Variants in MYO1D observed in about 807,000 individuals in gnomAD.
MYO1D encodes the protein myosin ID, also known as unconventional myosin-Id.
In MYO1D, 83 loss-of-function variants were observed where a neutral mutation model predicts 122.0. The observed-to-expected ratio is 0.68, with a 90% CI of 0.57 to 0.82. The LOEUF (loss-of-function observed/expected upper bound fraction) is 0.82, where lower values mean the gene tolerates loss of function less well. Ranked by LOEUF, MYO1D falls within the 40% of genes least tolerant of loss-of-function variation. MYO1D has a pLI of 0.00. For synonymous variants in MYO1D, 464 were observed against 446.9 expected (o/e 1.04, Z -0.48); for missense variants, 1,157 against 1,269.5 (o/e 0.91, Z 1.35).
At chr17:32,645,244 A>C (rs1044243449) in intron 19 of MYO1D, among the ~76,000 whole-genome samples, 1 of 152,048 alleles carries the variant, frequency 6.6e-6, no homozygotes, top group South Asian at 2.1e-4. Context: ...ATTGGCCCCC[A>C]CTCTCTTCTG....
chr17:32,507,190 C>T (rs1909529757), intron 21 of MYO1D, among the ~76,000 whole-genome samples: 1 of 151,800 alleles, frequency 6.6e-6, no homozygotes, highest in South Asian at 2.1e-4. Context: ...TGCTTGAGCC[C>T]AGAAGTTCAA....
intron 20 of MYO1D, among the ~76,000 whole-genome samples, chr17:32,613,679 C>A (rs2087733127): frequency 6.8e-6 from 1 of 147,334 alleles, no homozygotes; most frequent in African/African-American, 2.5e-5. Flanking sequence ...GGGGCTGAGG[C>A]AGGAGAATCG....
intron 13 of MYO1D, among the ~76,000 whole-genome samples, chr17:32,739,493 T>G (rs1456818501): frequency 7.3e-5 from 6 of 81,976 alleles, no homozygotes; most frequent in South Asian, 4.9e-4. Flanking sequence ...AGGCCTGTCA[T>G]GGGGTGGGGG....
At chr17:32,568,224 A>G (rs2087190937) in intron 21 of MYO1D, among the ~76,000 whole-genome samples, 2 of 150,646 alleles carry the variant, frequency 1.3e-5, no homozygotes, top group East Asian at 3.9e-4. Flanking sequence ...GGCAGCTAGC[A>G]TTATTTCTGA....
chr17:32,544,101 C>CT (rs542735823), intron 21 of MYO1D, among the ~76,000 whole-genome samples: 14,211 of 140,736 alleles, frequency 0.1, 1,870 homozygotes, highest in African/African-American at 0.31. Context: ...CCAAATCTTG[C>CT]TTTTTTTTTT....
rs2090108734 is a variant in MYO1D at position 32,771,132 on chromosome 17, T to G, written c.707A>C (p.Gln236Pro). 1 of 1,599,172 alleles carries G rather than the reference T, an allele frequency of 6.3e-7. No individual in the cohort carries two copies. Among genetic ancestry groups the G allele is most frequent in the Non-Finnish European group, 8.6e-7 (1 of 1,166,952 alleles). ...SSYNYIHVGA[Q>P]LKSSINDAAE... ...CAAAGAGGAAATTCTCACCTTTAAT[T>G]GAGCTCCCACATGAATATAGTTGTA... The change falls in exon 6 of 22, where the codon CAA becomes CCA. Residue 236 changes from glutamine (Q) to proline (P), a missense_variant. By Grantham distance (76) the Gln-to-Pro change is moderately conservative. Transcript: ENST00000318217.
chr17:32,774,190 T>A (rs1007478250), intron 4 of MYO1D, among the ~76,000 whole-genome samples: 2 of 152,208 alleles, frequency 1.3e-5, no homozygotes, highest in Non-Finnish European at 2.9e-5. Context: ...GCTAAAGGCA[T>A]AGTCAAGGTT....
At chr17:32,577,331 T>C (rs963526208) in intron 21 of MYO1D, among the ~76,000 whole-genome samples, 28 of 152,068 alleles carry the variant, frequency 1.8e-4, no homozygotes, top group African/African-American at 6.5e-4. Context: ...TGGGTCTTGC[T>C]ACATTGCCAG....
intron 1 of MYO1D, among the ~76,000 whole-genome samples, chr17:32,803,149 T>C (rs2090474784): frequency 6.6e-6 from 1 of 151,424 alleles, no homozygotes; most frequent in Non-Finnish European, 1.5e-5. Flanking sequence ...CTTCCAATTT[T>C]TCTTTCTTTT....
chr17:32,801,619 C>A (rs1048825516), intron 1 of MYO1D, among the ~76,000 whole-genome samples: 2 of 152,162 alleles, frequency 1.3e-5, no homozygotes, highest in Non-Finnish European at 2.9e-5. Context: ...TTAAAATAAA[C>A]CCCATGGTGT....
intron 21 of MYO1D, among the ~76,000 whole-genome samples, chr17:32,570,837 C>G (rs1306955478): frequency 6.6e-6 from 1 of 152,142 alleles, no homozygotes; most frequent in Non-Finnish European, 1.5e-5. Context: ...AAACTTAACA[C>G]AACATTCATG....
At chr17:32,744,113 C>T (rs1034705961) in intron 13 of MYO1D, among the ~76,000 whole-genome samples, 13 of 152,108 alleles carry the variant, frequency 8.5e-5, no homozygotes, top group East Asian at 1.9e-4. Context: ...CAGGCTCTAC[C>T]TACCTTTCTA....
chr17:32,744,275 T>A (rs557418432), intron 13 of MYO1D, among the ~76,000 whole-genome samples: 2 of 152,298 alleles, frequency 1.3e-5, no homozygotes, highest in African/African-American at 4.8e-5. Flanking sequence ...TTCACTTAAT[T>A]CAGGTCTCTG....
In MYO1D at chr17:32,582,938, G is replaced by GA. The variant is rs549902560; in HGVS notation, c.2864+22148dup. ...TTTTTAAAAAGATTTAATCAACAAG[G>GA]AAAAAATCTTAAAAATTTGCTTGTG... is the stretch of plus-strand genomic sequence containing the variant. On this transcript the variant is annotated intron_variant, in intron 21 of 21. Transcript: ENST00000318217. Among the ~76,000 whole-genome samples the GA allele has an allele frequency of 9.2e-3, 1,406 of 152,134 alleles. 11 individuals carry two copies. The highest frequency in any genetic ancestry group is 0.027 in the South Asian group (130 of 4,818).
chr17:32,803,851 T>C (rs1425238348), intron 1 of MYO1D, among the ~76,000 whole-genome samples: 4 of 152,204 alleles, frequency 2.6e-5, no homozygotes, highest in Admixed American at 2.0e-4. Flanking sequence ...GTCCCACTTA[T>C]AAAGAATCTA....
At chr17:32,771,014 G>T in intron 6 of MYO1D, 111 bp downstream of exon 6, 1 of 684,382 alleles carries the variant, frequency 1.5e-6, no homozygotes, top group Non-Finnish European at 2.4e-6. Flanking sequence ...CAGGATAAAA[G>T]AGATGTTTAT....
chr17:32,838,064 C>T (rs982620199), intron 1 of MYO1D, among the ~76,000 whole-genome samples: 6 of 152,076 alleles, frequency 3.9e-5, no homozygotes, highest in Non-Finnish European at 8.8e-5. Flanking sequence ...GTAGTTGGAT[C>T]GGTGATCACA....
intron 1 of MYO1D, among the ~76,000 whole-genome samples, chr17:32,836,451 T>C (rs1431834713): frequency 2.0e-5 from 3 of 152,132 alleles, no homozygotes; most frequent in Admixed American, 6.6e-5. Flanking sequence ...CACCAGAGGG[T>C]TCTCTTCTGC....
chr17:32,820,947 G>A (rs2090655862), intron 1 of MYO1D, among the ~76,000 whole-genome samples: 1 of 152,110 alleles, frequency 6.6e-6, no homozygotes, highest in Non-Finnish European at 1.5e-5. Context: ...TGTGTTGGAG[G>A]TATGTTGTAC....
Sources: allele counts gnomAD v4.1 joint callset (sites outside exome capture counted in the v4.1 genomes callset), GRCh38; gene constraint gnomAD v4.1.1; transcripts MANE v1.5; gene names NCBI Gene and HGNC (gene_info 2026-07-23, HGNC 2026-07-21).